The following PROSER1 variants were observed in gnomAD, a reference collection of about 807,000 sequenced individuals.
PROSER1 encodes proline and serine-rich protein 1.
PROSER1 carries 36 observed loss-of-function variants against 71.8 expected under a neutral mutation model. The ratio of observed to expected loss-of-function variants is 0.50; its 90% CI spans 0.38 to 0.66. The LOEUF (loss-of-function observed/expected upper bound fraction) is 0.66, where lower values mean the gene tolerates loss of function less well. PROSER1 is among the 30% of genes least tolerant of loss of function. PROSER1 has a pLI of 0.00. For synonymous variants in PROSER1, 490 were observed against 452.4 expected (o/e 1.08, Z -1.06); for missense variants, 1,107 against 1,135.0 (o/e 0.98, Z 0.35).
At chr13:39,021,600 A>T (rs9576704) in intron 9 of PROSER1, among the ~76,000 whole-genome samples, 41,279 of 151,854 alleles carry the variant, frequency 0.27, 6,976 homozygotes, top group East Asian at 0.44. Flanking sequence ...GTATTTTTTT[A>T]AAAGTGCTCC....
chr13:39,031,460 C>T lies in PROSER1; in HGVS notation c.180+103G>A, dbSNP rs371790423. ...AAAGTACAATAACACATAGAGTTCGCTTTTCTAATGCAAATAAATTACAAC... is the reference window on the plus strand; with the variant it reads ...AAAGTACAATAACACATAGAGTTCGTTTTTCTAATGCAAATAAATTACAAC... On this transcript the variant is annotated intron_variant, in intron 3 of 12. Coordinates refer to ENST00000352251, the MANE Select transcript of PROSER1 (RefSeq NM_025138.5). 148 of 891,134 alleles carry T rather than the reference C, an allele frequency of 1.7e-4. 1 individual carries two copies. The highest frequency in any genetic ancestry group is 1.3e-3 in the East Asian group (53 of 39,572). The allele number at this position is 891,134 out of a possible 1,614,324, so 55.2% of individuals were successfully genotyped here.
chr13:39,029,360 G>A lies in PROSER1; in HGVS notation c.196C>T (p.Gln66Ter), dbSNP rs1327954549. ...KALQHKMVAV[Q>*]PTEVVNILNC... Reference sequence around the variant, plus strand: ...AGTATATTGACCACTTCTGTTGGCTGGACAGCCACCATTTTCTGTTGATAT... The same window carrying A: ...AGTATATTGACCACTTCTGTTGGCTAGACAGCCACCATTTTCTGTTGATAT... The change falls in exon 4 of 13, where the codon CAG (glutamine) becomes TAG (stop). Residue 66 changes from glutamine (Q) to a stop codon, truncating the protein, a stop_gained. Coordinates refer to ENST00000352251, the MANE Select transcript of PROSER1 (RefSeq NM_025138.5). LOFTEE classifies it high-confidence loss of function. 1 of 1,450,964 alleles carries A rather than the reference G, an allele frequency of 6.9e-7. No individual in the cohort carries two copies. The highest frequency in any genetic ancestry group is 9.1e-7 in the Non-Finnish European group (1 of 1,097,520). The allele number at this position is 1,450,964 out of a possible 1,614,324, so 89.9% of individuals were successfully genotyped here.
chr13:39,034,721 C>T (rs1455388790), intron 1 of PROSER1, among the ~76,000 whole-genome samples: 2 of 152,200 alleles, frequency 1.3e-5, no homozygotes, highest in Non-Finnish European at 2.9e-5. Context: ...TCTGTGCCTG[C>T]CACTAACTGG....
At position 39,028,224 on chromosome 13, in the gene PROSER1, T is replaced by C; in HGVS notation, c.369+3A>G. On this transcript the variant is annotated splice_donor_region_variant and intron_variant, in intron 5 of 12. Coordinates refer to ENST00000352251, the MANE Select transcript of PROSER1 (RefSeq NM_025138.5). Reference sequence around the variant, plus strand: ...AAGTACATGACAATCTTTAGAAAACTACCTGTTCAAGTATTCTCTTGCACC... The same window carrying C: ...AAGTACATGACAATCTTTAGAAAACCACCTGTTCAAGTATTCTCTTGCACC... 6.6e-7 allele frequency: 1 copy of C among 1,507,350 alleles called. No individual in the cohort carries two copies. 93.4% of individuals were successfully genotyped at this position (1,507,350 alleles called of 1,614,324 possible).
chr13:39,032,628 T>G (rs1248390519), intron 2 of PROSER1, among the ~76,000 whole-genome samples: 1 of 152,168 alleles, frequency 6.6e-6, no homozygotes, highest in African/African-American at 2.4e-5. Flanking sequence ...AAATAAGTAT[T>G]ATGTATACTT....
chr13:39,027,861 A>G (rs1870618448), intron 5 of PROSER1, among the ~76,000 whole-genome samples: 1 of 152,230 alleles, frequency 6.6e-6, no homozygotes, highest in African/African-American at 2.4e-5. Context: ...ACCTCTTATG[A>G]ATCCGATTTA....
At position 39,009,944 on chromosome 13, in the gene PROSER1, A is replaced by G. The variant is rs1178779670; in HGVS notation, c.*1421T>C. 1 of 152,678 alleles carries G rather than the reference A, an allele frequency of 6.5e-6. No homozygotes were observed. The highest frequency in any genetic ancestry group is 1.5e-5 in the Non-Finnish European group (1 of 68,028). The allele number at this position is 152,678 out of a possible 1,614,324, so 9.5% of individuals were successfully genotyped here. The stretch of plus-strand genomic sequence containing the variant: ...CCAGCAACTGGTATCAGATTAAACT[A>G]TAGCTTACATTCTGTGTTTAAAGAC... On this transcript the variant is annotated 3_prime_UTR_variant, in exon 13 of 13. Coordinates refer to ENST00000352251, the MANE Select transcript of PROSER1 (RefSeq NM_025138.5).
intron 9 of PROSER1, among the ~76,000 whole-genome samples, chr13:39,019,516 CAAAAAAAAAA>C (rs1183602451): frequency 2.4e-5 from 1 of 40,826 alleles, no homozygotes; most frequent in Non-Finnish European, 4.9e-5. Context: ...AACTCTGTCT[CAAAAAAAAAA>C]AAAAAAAAAA....
rs1465580876 is a variant in PROSER1, at chr13:39,013,677, A to G, written c.1575T>C (p.Pro525=). The part of the protein sequence containing the change: ...PNKCYAPSAI[P]TPQRTSTPGL... ...CTGGAGTGGAAGTCCTCTGTGGGGT[A>G]GGGATGGCTGATGGGGCATAGCACT... The change falls in exon 11 of 13, where the codon CCT becomes CCC. Residue 525 remains proline (P), a synonymous_variant. Coordinates refer to ENST00000352251, the MANE Select transcript of PROSER1 (RefSeq NM_025138.5). 1 of 1,614,086 alleles carries G rather than the reference A, an allele frequency of 6.2e-7. No individual in the cohort carries two copies. The highest frequency in any genetic ancestry group is 8.5e-7 in the Non-Finnish European group (1 of 1,180,024).
chr13:39,010,445 TTAAA>T lies in PROSER1; in HGVS notation c.*916_*919del, dbSNP rs1252228884. The T allele has an allele frequency of 6.6e-6, 1 of 152,646 alleles. No homozygotes were observed. Among genetic ancestry groups the T allele is most frequent in the African/African-American group, 2.4e-5 (1 of 41,460 alleles). 9.5% of individuals were successfully genotyped at this position (152,646 alleles called of 1,614,324 possible). A position where few individuals can be genotyped will look rare whatever the true frequency, so the allele number is the denominator to read the frequency against. Reference sequence around the variant, plus strand: ...ACTCATGTTATACTACCACAGATCCTTAAATAGAGTACATACTGCATAATTACTA... The same window carrying T: ...ACTCATGTTATACTACCACAGATCCTTAGAGTACATACTGCATAATTACTA... On this transcript the variant is annotated 3_prime_UTR_variant, in exon 13 of 13. Transcript: ENST00000352251.
intron 4 of PROSER1, chr13:39,029,003 T>G (rs1395968374): frequency 1.2e-5 from 3 of 240,310 alleles, no homozygotes; most frequent in Non-Finnish European, 2.4e-5. Flanking sequence ...AATCTCTAAT[T>G]CTTAAATTCC....
intron 5 of PROSER1, 50 bp from the exon 6 acceptor site, chr13:39,026,437 G>C: frequency 8.2e-7 from 1 of 1,215,192 alleles, no homozygotes. Flanking sequence ...TAAAAGATAA[G>C]TATTCTGAAC....
intron 12 of PROSER1, 39 bp downstream of exon 12, chr13:39,012,044 C>T: frequency 6.3e-7 from 1 of 1,596,442 alleles, no homozygotes; most frequent in Non-Finnish European, 8.6e-7. Context: ...GTTAGTTATA[C>T]ATGTTACCAT....
Position 39,009,905 on chromosome 13 carries a change from AC to A in PROSER1, c.*1459del, listed in dbSNP as rs375878235. On this transcript the variant is annotated 3_prime_UTR_variant, in exon 13 of 13. Coordinates refer to ENST00000352251, the MANE Select transcript of PROSER1 (RefSeq NM_025138.5). The stretch of plus-strand genomic sequence containing the variant: ...TTTTATGGGTATAGATTTAAGAAAA[AC>A]AAATGGCAACTTCCAGCAACTGGTA... 6.5e-6 allele frequency: 1 copy of A among 152,746 alleles called. No individual in the cohort carries two copies. The highest frequency in any genetic ancestry group is 2.4e-5 in the African/African-American group (1 of 41,566). 9.5% of individuals were successfully genotyped at this position (152,746 alleles called of 1,614,324 possible).
intron 12 of PROSER1, 40 bp downstream of exon 12, chr13:39,012,043 A>G: frequency 1.3e-6 from 2 of 1,594,704 alleles, no homozygotes; most frequent in South Asian, 1.1e-5. Context: ...AGTTAGTTAT[A>G]CATGTTACCA....
intron 9 of PROSER1, 107 bp from the exon 10 acceptor site, chr13:39,017,651 G>A: frequency 1.6e-5 from 10 of 635,878 alleles, no homozygotes; most frequent in Non-Finnish European, 2.4e-5. Flanking sequence ...AAATATTTAT[G>A]GACTATGTTA....
chr13:39,032,438 T>G (rs2138134644), intron 2 of PROSER1, among the ~76,000 whole-genome samples: 2 of 152,240 alleles, frequency 1.3e-5, no homozygotes, highest in South Asian at 4.1e-4. Context: ...ACCACCACCC[T>G]GTTTGACTGC....
At chr13:39,032,598 AAG>A (rs1870899735) in intron 2 of PROSER1, among the ~76,000 whole-genome samples, 1 of 152,190 alleles carries the variant, frequency 6.6e-6, no homozygotes, top group Admixed American at 6.5e-5. Flanking sequence ...ACTCCTTATA[AAG>A]AGATATATAT....
chr13:39,028,515 T>A (rs1313328623), intron 4 of PROSER1, among the ~76,000 whole-genome samples, 195 bp from the exon 5 acceptor site: 1 of 152,136 alleles, frequency 6.6e-6, no homozygotes, highest in African/African-American at 2.4e-5. Context: ...GTTTATCTGA[T>A]TACTGAAAAG....
Sources: allele counts gnomAD v4.1 joint callset (sites outside exome capture counted in the v4.1 genomes callset), GRCh38; gene constraint gnomAD v4.1.1; transcripts MANE v1.5; gene names NCBI Gene and HGNC (gene_info 2026-07-23, HGNC 2026-07-21).